MFHAS1: variants seen among roughly 807,000 people sequenced by gnomAD.
MFHAS1 encodes the protein multifunctional ROCO family signaling regulator 1, also known as malignant fibrous histiocytoma-amplified sequence 1.
MFHAS1 carries 50 observed loss-of-function variants against 70.4 expected under a neutral mutation model. The ratio of observed to expected loss-of-function variants is 0.71; its 90% CI spans 0.57 to 0.90. MFHAS1 has a LOEUF of 0.90. Among genes scored for constraint, MFHAS1 ranks in the 40% least tolerant of loss-of-function variants. The pLI, the probability that MFHAS1 is intolerant of heterozygous loss-of-function variation, is 0.00. For synonymous variants in MFHAS1, 952 were observed against 620.0 expected, an observed-to-expected ratio of 1.54 and a Z score of -7.96; for missense variants, 1,795 against 1,347.6, an observed-to-expected ratio of 1.33 and a Z score of -5.20.
At chr8:8,824,615 A>C (rs1235091671) in intron 1 of MFHAS1, among the ~76,000 whole-genome samples, 1 of 151,990 alleles carries the variant, frequency 6.6e-6, no homozygotes, top group Admixed American at 6.6e-5. Flanking sequence ...GCCAATATCT[A>C]TAAGAAGGTC....
chr8:8,830,335 GTTA>G, intron 1 of MFHAS1, among the ~76,000 whole-genome samples: 1 of 152,284 alleles, frequency 6.6e-6, no homozygotes, highest in Non-Finnish European at 1.5e-5. Flanking sequence ...AGAAGACTAA[GTTA>G]TTATTAAGTG....
chr8:8,890,800 G>T lies in MFHAS1; in HGVS notation c.2259C>A (p.Leu753=), dbSNP rs764542837. 31 of 1,614,062 alleles carry T rather than the reference G, an allele frequency of 1.9e-5. No homozygotes were observed. The East Asian group carries it at 6.5e-4, about 34-fold the overall frequency. ...CCTTGCCCTCTCCACTGGTCCCTAG[G>T]AGCAGCTTATGCAGCAGCAAAGAGG... ...RDPSLLLHKL[L]LGTSGEGKAE... is the part of the protein sequence containing the mutation. Residue 753 remains leucine, a synonymous_variant, in exon 1 of 3, where the codon CTC becomes CTA. Coordinates refer to ENST00000276282, the MANE Select transcript of MFHAS1 (RefSeq NM_004225.3).
intron 1 of MFHAS1, among the ~76,000 whole-genome samples, chr8:8,800,994 T>C (rs543899484): frequency 6.6e-6 from 1 of 152,082 alleles, no homozygotes; most frequent in South Asian, 2.1e-4. Context: ...GGTGGGCGGA[T>C]CACAAGGTCC....
chr8:8,794,832 T>C (rs1053937616), intron 2 of MFHAS1, among the ~76,000 whole-genome samples: 1 of 152,316 alleles, frequency 6.6e-6, no homozygotes, highest in South Asian at 2.1e-4. Flanking sequence ...TCTGGCGCCA[T>C]GTACCGCCGC....
intron 1 of MFHAS1, among the ~76,000 whole-genome samples, chr8:8,841,368 G>A (rs945290473): frequency 1.8e-4 from 28 of 152,058 alleles, no homozygotes; most frequent in East Asian, 3.8e-4. Context: ...CCAGCTACTC[G>A]GGAGGCTGAG....
chr8:8,851,122 G>C (rs73525741), intron 1 of MFHAS1, among the ~76,000 whole-genome samples: 1,943 of 152,300 alleles, frequency 0.013, 45 homozygotes, highest in African/African-American at 0.044. Context: ...ATGAATTACA[G>C]AAGATGAAAA....
In MFHAS1 at chr8:8,877,184, C is replaced by G. The variant is rs374902212; in HGVS notation, c.2998+12877G>C. Among the ~76,000 whole-genome samples the G allele has an allele frequency of 2.0e-5, 3 of 150,108 alleles. No individual in the cohort carries two copies. The East Asian group carries it at 6.0e-4, about 30-fold the overall frequency. ...GCATGGTGGCATGTACCTGTAGTCC[C>G]AACTACTGGGGAGGCTGAGGTGGGA... is the stretch of plus-strand genomic sequence containing the variant. On this transcript the variant is annotated intron_variant, in intron 1 of 2. Transcript: ENST00000276282.
chr8:8,885,763 G>A lies in MFHAS1; in HGVS notation c.2998+4298C>T, dbSNP rs1405449489. On this transcript the variant is annotated intron_variant, in intron 1 of 2. Transcript: ENST00000276282. ...CTTGCCCTGTCGCCCAGGCTGGAGC[G>A]CAGTGGCACAATCTCAGCTCACTGC... Among the ~76,000 whole-genome samples, 11 of 152,346 alleles carry A rather than the reference G, an allele frequency of 7.2e-5. No individual in the cohort carries two copies. In the East Asian group the frequency reaches 1.7e-3, roughly 24 times the overall value.
Position 8,890,550 on chromosome 8 carries a change from T to G in MFHAS1, c.2509A>C (p.Lys837Gln). The change falls in exon 1 of 3, where the codon AAG (lysine) becomes CAG (glutamine). Residue 837 changes from lysine (K) to glutamine (Q), a missense_variant. By Grantham distance (53) the Lys-to-Gln change is moderately conservative (BLOSUM62 1). Transcript: ENST00000276282. ...MGLCYCLNKP[K>Q]GKPLNGSTAW... ...GTGGACCCATTCAAAGGCTTGCCCT[T>G]GGGTTTATTGAGGCAGTAACAGAGT... 1 of 1,613,484 alleles carries G rather than the reference T, an allele frequency of 6.2e-7. No individual in the cohort carries two copies.
At chr8:8,816,408 C>T (rs1043167345) in intron 1 of MFHAS1, among the ~76,000 whole-genome samples, 15 of 152,148 alleles carry the variant, frequency 9.9e-5, no homozygotes, top group Admixed American at 2.0e-4. Context: ...GACCATCCTC[C>T]CCAAGAAAAT....
intron 1 of MFHAS1, among the ~76,000 whole-genome samples, chr8:8,831,256 T>C (rs762671347): frequency 3.3e-5 from 5 of 151,896 alleles, no homozygotes; most frequent in Admixed American, 6.6e-5. Context: ...CCAATATACA[T>C]TGGGGGTTGG....
chr8:8,816,442 G>A (rs1373331657), intron 1 of MFHAS1, among the ~76,000 whole-genome samples: 6 of 152,114 alleles, frequency 3.9e-5, no homozygotes, highest in African/African-American at 7.2e-5. Flanking sequence ...GATTCTGAGC[G>A]GGACAAATTT....
intron 1 of MFHAS1, among the ~76,000 whole-genome samples, chr8:8,841,020 T>G (rs1807801689): frequency 6.6e-6 from 1 of 152,246 alleles, no homozygotes; most frequent in Non-Finnish European, 1.5e-5. Context: ...TGTAATATTT[T>G]AAATGTCTTC....
At chr8:8,813,901 T>C (rs558946649) in intron 1 of MFHAS1, among the ~76,000 whole-genome samples, 19 of 151,662 alleles carry the variant, frequency 1.3e-4, no homozygotes, top group African/African-American at 4.6e-4. Flanking sequence ...GCTCCATTTA[T>C]AGTAAGTGCC....
rs183276526 is a variant in MFHAS1, at chr8:8,784,318, A to T, written c.*1704T>A. On this transcript the variant is annotated 3_prime_UTR_variant, in exon 3 of 3. Coordinates refer to ENST00000276282, the MANE Select transcript of MFHAS1 (RefSeq NM_004225.3). ...CACACACGGAGACGCGCACACACAC[A>T]CGAGAACTGTGACAAAAGGATTCAC... 1 of 152,278 alleles carries T rather than the reference A, an allele frequency of 6.6e-6. No homozygotes were observed. Among genetic ancestry groups the T allele is most frequent in the Admixed American group, 6.5e-5 (1 of 15,290 alleles). The allele number at this position is 152,278 out of a possible 1,614,324, so 9.4% of individuals were successfully genotyped here. A position where few individuals can be genotyped will look rare whatever the true frequency, so the allele number is the denominator to read the frequency against.
intron 1 of MFHAS1, among the ~76,000 whole-genome samples, chr8:8,829,760 G>A (rs903506558): frequency 6.6e-6 from 1 of 152,190 alleles, no homozygotes; most frequent in Non-Finnish European, 1.5e-5. Flanking sequence ...ACAATGGCAG[G>A]ACCAATGGAT....
At chr8:8,816,170 G>C (rs972902941) in intron 1 of MFHAS1, among the ~76,000 whole-genome samples, 1 of 152,198 alleles carries the variant, frequency 6.6e-6, no homozygotes, top group South Asian at 2.1e-4. Flanking sequence ...AGCCAGGAAG[G>C]AATGGAAGTG....
chr8:8,857,588 C>A (rs1585055243), intron 1 of MFHAS1, among the ~76,000 whole-genome samples: 1 of 151,996 alleles, frequency 6.6e-6, no homozygotes. Context: ...GAAACCCCGT[C>A]TCTACCAAAA....
chr8:8,838,842 A>AGCTTC (rs1807701000), intron 1 of MFHAS1, among the ~76,000 whole-genome samples: 2 of 151,912 alleles, frequency 1.3e-5, no homozygotes. Context: ...CGTACCTTCA[A>AGCTTC]GCTTCTCTTC....
Sources: gnomAD v4.1 joint callset for allele counts (sites outside exome capture counted in the v4.1 genomes callset) on GRCh38, gnomAD v4.1.1 for gene constraint, MANE v1.5 for transcripts, NCBI Gene and HGNC (gene_info 2026-07-23, HGNC 2026-07-21) for gene names.